Variants in DGKB observed in about 807,000 individuals in gnomAD.
The protein encoded by DGKB is diacylglycerol kinase beta, also known as 90 kDa diacylglycerol kinase.
In DGKB, 67 loss-of-function variants were observed where a neutral mutation model predicts 114.3. The ratio of observed to expected loss-of-function variants is 0.59; its 90% CI spans 0.48 to 0.72. The LOEUF (loss-of-function observed/expected upper bound fraction) is 0.72, where lower values mean the gene tolerates loss of function less well. Among genes scored for constraint, DGKB ranks in the 30% least tolerant of loss-of-function variants. The pLI is 0.00. For synonymous variants in DGKB, 398 were observed against 323.1 expected, an observed-to-expected ratio of 1.23 and a Z score of -2.49; for missense variants, 907 against 975.2, an observed-to-expected ratio of 0.93 and a Z score of 0.93.
At chr7:14,739,367 G>A (rs1467560511) in intron 4 of DGKB, among the ~76,000 whole-genome samples, 3 of 152,180 alleles carry the variant, frequency 2.0e-5, no homozygotes, top group African/African-American at 7.2e-5. Context: ...CTGGAAAAAT[G>A]GGGTGGAGCT....
intron 2 of DGKB, among the ~76,000 whole-genome samples, chr7:14,784,479 G>A (rs978667913): frequency 9.9e-5 from 15 of 151,018 alleles, no homozygotes; most frequent in African/African-American, 3.4e-4. Flanking sequence ...AGGTTCAAGC[G>A]ATTCTCCCAC....
chr7:14,829,156 G>C (rs1368816694), intron 2 of DGKB, among the ~76,000 whole-genome samples: 2 of 152,002 alleles, frequency 1.3e-5, no homozygotes, highest in Non-Finnish European at 2.9e-5. Context: ...GGTGCATCAT[G>C]GGCAAGCTCA....
At chr7:14,643,410 A>C (rs923968030) in intron 13 of DGKB, among the ~76,000 whole-genome samples, 4 of 152,168 alleles carry the variant, frequency 2.6e-5, no homozygotes, top group Admixed American at 6.5e-5. Flanking sequence ...AAGCTGATGC[A>C]TCATGGCATT....
At chr7:14,205,796 C>T (rs567652053) in intron 23 of DGKB, among the ~76,000 whole-genome samples, 10 of 152,010 alleles carry the variant, frequency 6.6e-5, no homozygotes, top group South Asian at 4.2e-4. Flanking sequence ...AAAAATCACA[C>T]GGCCAGAATG....
chr7:14,293,954 C>G (rs1802138625), intron 23 of DGKB, among the ~76,000 whole-genome samples: 1 of 152,142 alleles, frequency 6.6e-6, no homozygotes, highest in African/African-American at 2.4e-5. Flanking sequence ...CTTAAAGCAA[C>G]ACAGATTTCT....
intron 20 of DGKB, among the ~76,000 whole-genome samples, chr7:14,537,701 A>G (rs1466193425): frequency 1.3e-5 from 2 of 152,232 alleles, no homozygotes; most frequent in Non-Finnish European, 2.9e-5. Context: ...AGAAGAAAAC[A>G]TAGGTAAAAA....
intron 15 of DGKB, among the ~76,000 whole-genome samples, chr7:14,616,213 A>C (rs1012259134): frequency 6.8e-6 from 1 of 147,910 alleles, no homozygotes; most frequent in Non-Finnish European, 1.5e-5. Context: ...ACATATATAT[A>C]ATATACATAT....
At chr7:14,533,573 G>A (rs1563427044) in intron 20 of DGKB, among the ~76,000 whole-genome samples, 1 of 151,478 alleles carries the variant, frequency 6.6e-6, no homozygotes, top group Non-Finnish European at 1.5e-5. Flanking sequence ...CCAGATTCAT[G>A]ATCCACAAGT....
intron 23 of DGKB, among the ~76,000 whole-genome samples, chr7:14,291,445 G>C (rs1055354315): frequency 6.6e-6 from 1 of 152,134 alleles, no homozygotes; most frequent in South Asian, 2.1e-4. Flanking sequence ...AGACTGCACT[G>C]CTTGAAGTAA....
chr7:14,940,819 A>G (rs1285213080), intron 1 of DGKB, among the ~76,000 whole-genome samples: 3 of 151,948 alleles, frequency 2.0e-5, no homozygotes, highest in Non-Finnish European at 4.4e-5. Context: ...TATAAAAACT[A>G]TTAACATTGA....
At chr7:14,575,774 C>T (rs1329205584) in intron 19 of DGKB, among the ~76,000 whole-genome samples, 3 of 152,026 alleles carry the variant, frequency 2.0e-5, no homozygotes, top group Non-Finnish European at 4.4e-5. Flanking sequence ...TTATTTTTTT[C>T]TGTTCATTAT....
intron 23 of DGKB, among the ~76,000 whole-genome samples, chr7:14,218,232 T>C (rs867563714): frequency 7.9e-5 from 12 of 152,042 alleles, no homozygotes; most frequent in Middle Eastern, 6.8e-3. Context: ...GGAAAAGAAA[T>C]GGAGAAGGAA....
At chr7:14,585,153 C>A (rs1387263391) in intron 17 of DGKB, among the ~76,000 whole-genome samples, 2 of 152,008 alleles carry the variant, frequency 1.3e-5, no homozygotes, top group Admixed American at 1.3e-4. Flanking sequence ...AACTTTCATG[C>A]ATTTTCTCAT....
At chr7:14,566,725 A>G (rs1358774250) in intron 20 of DGKB, among the ~76,000 whole-genome samples, 12 of 152,016 alleles carry the variant, frequency 7.9e-5, no homozygotes, top group African/African-American at 2.4e-4. Flanking sequence ...ATCCCTCTCC[A>G]TGCTCCAGGC....
chr7:14,388,025 G>A (rs927069313), intron 21 of DGKB, among the ~76,000 whole-genome samples: 4 of 151,530 alleles, frequency 2.6e-5, no homozygotes, highest in African/African-American at 9.7e-5. Flanking sequence ...GATTACAGGC[G>A]CCTGCCACTG....
chr7:14,837,830 G>A (rs879077963), intron 2 of DGKB, among the ~76,000 whole-genome samples: 1 of 152,108 alleles, frequency 6.6e-6, no homozygotes, highest in Admixed American at 6.5e-5. Context: ...CACAAGAATA[G>A]GTTCTAATCA....
Position 14,565,513 on chromosome 7 carries a change from C to G in DGKB, c.1770+8699G>C, listed in dbSNP as rs1317938922. Among the ~76,000 whole-genome samples, 4 of 152,188 alleles carry G rather than the reference C, an allele frequency of 2.6e-5. No homozygotes were observed. In the East Asian group the frequency reaches 7.7e-4, roughly 29 times the overall value. On this transcript the variant is annotated intron_variant, in intron 20 of 25. Coordinates refer to ENST00000402815, the MANE Select transcript of DGKB (RefSeq NM_001350709.2). ...CTTCTAAGCTTCCAACTTAAATATCCAACCATAGCCCTGAAATTTCCACTA... is the reference window on the plus strand; with the variant it reads ...CTTCTAAGCTTCCAACTTAAATATCGAACCATAGCCCTGAAATTTCCACTA...
At chr7:14,822,195 C>A (rs1463354412) in intron 2 of DGKB, among the ~76,000 whole-genome samples, 1 of 152,048 alleles carries the variant, frequency 6.6e-6, no homozygotes, top group Non-Finnish European at 1.5e-5. Context: ...GCTGCTTATT[C>A]AAACCTGAAA....
intron 16 of DGKB, among the ~76,000 whole-genome samples, chr7:14,612,058 A>G (rs963510558): frequency 8.4e-4 from 128 of 151,904 alleles, no homozygotes; most frequent in African/African-American, 3.1e-3. Context: ...CATTAGGAAT[A>G]TTTTTAATTA....
Sources: allele counts gnomAD v4.1 joint callset (sites outside exome capture counted in the v4.1 genomes callset), GRCh38; gene constraint gnomAD v4.1.1; transcripts MANE v1.5; gene names NCBI Gene and HGNC (gene_info 2026-07-23, HGNC 2026-07-21).